Variants in DNAH11 observed in about 807,000 individuals in gnomAD.
DNAH11 encodes dynein axonemal heavy chain 11.
In DNAH11, 442 loss-of-function variants were observed where a neutral mutation model predicts 526.0. The ratio of observed to expected loss-of-function variants is 0.84; its 90% CI spans 0.78 to 0.91. The LOEUF is 0.91. DNAH11 is among the 40% of genes least tolerant of loss of function. The pLI is 0.00. For synonymous variants in DNAH11, 2,461 were observed against 1,935.9 expected (o/e 1.27, Z -7.12); for missense variants, 6,989 against 5,448.7 (o/e 1.28, Z -8.90).
At chr7:21,799,858 T>G (rs1367497469) in intron 61 of DNAH11, among the ~76,000 whole-genome samples, 3 of 152,236 alleles carry the variant, frequency 2.0e-5, no homozygotes, top group Non-Finnish European at 4.4e-5. Flanking sequence ...GTTTTCTTGT[T>G]AAAGTTTCTT....
rs542241746 is a variant in DNAH11 at position 21,893,710 on chromosome 7, AAT to A, written c.12751-908_12751-907del. Among the ~76,000 whole-genome samples the A allele has an allele frequency of 3.4e-3, 520 of 152,164 alleles. 2 individuals are homozygous for A. The highest frequency in any genetic ancestry group is 5.6e-3 in the Non-Finnish European group (379 of 67,978). ...GTACCATGTGCATACTCATACCTGTAATATATGTCTTTCATTCTTTCAGAGCA... is the reference window on the plus strand; with the variant it reads ...GTACCATGTGCATACTCATACCTGTAATATGTCTTTCATTCTTTCAGAGCA... On this transcript the variant is annotated intron_variant, in intron 77 of 81. Coordinates refer to ENST00000409508, the MANE Select transcript of DNAH11 (RefSeq NM_001277115.2).
chr7:21,729,933 C>T (rs1785302582), intron 45 of DNAH11, among the ~76,000 whole-genome samples: 3 of 152,138 alleles, frequency 2.0e-5, no homozygotes, highest in African/African-American at 4.8e-5. Flanking sequence ...GATGAGATAC[C>T]ACCTCACACC....
At chr7:21,628,877 A>G (rs1786469183) in intron 25 of DNAH11, among the ~76,000 whole-genome samples, 1 of 151,682 alleles carries the variant, frequency 6.6e-6, no homozygotes, top group Non-Finnish European at 1.5e-5. Context: ...GATCTTCTGT[A>G]TTTTTTCTTC....
chr7:21,581,774 T>C, intron 8 of DNAH11, 131 bp from the exon 9 acceptor site: 1 of 624,684 alleles, frequency 1.6e-6, no homozygotes, highest in Non-Finnish European at 2.8e-6. Flanking sequence ...AGAATGCTGC[T>C]ATGAAAAATA....
At chr7:21,864,768 T>G (rs1783209069) in intron 70 of DNAH11, 111 bp downstream of exon 70, 2 of 1,095,118 alleles carry the variant, frequency 1.8e-6, no homozygotes, top group South Asian at 2.4e-5. Flanking sequence ...AAGCACCATT[T>G]CAGTTGTAGA....
At chr7:21,893,972 T>G (rs1784416689) in intron 77 of DNAH11, among the ~76,000 whole-genome samples, 1 of 152,204 alleles carries the variant, frequency 6.6e-6, no homozygotes, top group Non-Finnish European at 1.5e-5. Context: ...CACTGCAACC[T>G]CTAACTCTCG....
intron 25 of DNAH11, among the ~76,000 whole-genome samples, chr7:21,632,284 C>T (rs1366185862): frequency 1.3e-5 from 2 of 152,208 alleles, no homozygotes; most frequent in African/African-American, 4.8e-5. Context: ...CCACAAAGGT[C>T]TCTGATGCCT....
intron 62 of DNAH11, among the ~76,000 whole-genome samples, chr7:21,802,961 A>G (rs1789061893): frequency 6.7e-6 from 1 of 150,114 alleles, no homozygotes; most frequent in Non-Finnish European, 1.5e-5. Context: ...ATATATATAT[A>G]ATGTAGTAAA....
At chr7:21,790,399 A>G (rs754151717) in intron 61 of DNAH11, among the ~76,000 whole-genome samples, 52 of 152,140 alleles carry the variant, frequency 3.4e-4, no homozygotes, top group Non-Finnish European at 6.2e-4. Context: ...GCAGTGAGCC[A>G]AGATCACACC....
intron 54 of DNAH11, among the ~76,000 whole-genome samples, chr7:21,752,585 T>A (rs957934858): frequency 6.6e-6 from 1 of 152,246 alleles, no homozygotes; most frequent in Non-Finnish European, 1.5e-5. Context: ...TCTGTAACTT[T>A]CCAATTTTTT....
chr7:21,833,842 C>T (rs371079366), intron 65 of DNAH11, among the ~76,000 whole-genome samples: 1 of 152,240 alleles, frequency 6.6e-6, no homozygotes, highest in African/African-American at 2.4e-5. Context: ...GCCCTAATGA[C>T]ATGAAACCCT....
chr7:21,763,197 C>T (rs1319480058), intron 54 of DNAH11, among the ~76,000 whole-genome samples: 2 of 151,712 alleles, frequency 1.3e-5, no homozygotes, highest in African/African-American at 4.8e-5. Context: ...CAAAAATTAG[C>T]CTGGCGTGGT....
In DNAH11 at chr7:21,867,884, G is replaced by A; in HGVS notation, c.11716G>A (p.Ala3906Thr). 1 of 1,577,978 alleles carries A rather than the reference G, an allele frequency of 6.3e-7. No individual in the cohort carries two copies. The highest frequency in any genetic ancestry group is 2.3e-5 in the East Asian group (1 of 43,484). Residue 3906 changes from alanine to threonine, a missense_variant, in exon 72 of 82, where the codon GCG becomes ACG. Ala to Thr is a moderately conservative substitution (Grantham distance 58). Coordinates refer to ENST00000409508, the MANE Select transcript of DNAH11 (RefSeq NM_001277115.2). ...AAATTTTGTAGAGGAAAAACTGGGT[G>A]CGAAGTATGTGGAGAGGACCAGATT... Reference protein sequence around the residue: ...LRNFVEEKLGAKYVERTRLDL... With the variant: ...LRNFVEEKLGTKYVERTRLDL...
rs768006940 is a variant in DNAH11, at chr7:21,735,770, T to C, written c.7571T>C (p.Leu2524Ser). The change falls in exon 46 of 82, where the codon TTG becomes TCG. Residue 2524 changes from leucine (L) to serine (S), a missense_variant. By Grantham distance (145) the Leu-to-Ser change is moderately radical. Transcript: ENST00000409508. ...AAAACAGTCTTTGTAGGTGACACATTGGCAAGTCTCTCTGAGGATTACATA... is the reference window on the plus strand; with the variant it reads ...AAAACAGTCTTTGTAGGTGACACATCGGCAAGTCTCTCTGAGGATTACATA... ...VGKTVFVGDT[L>S]ASLSEDYIVS... is the part of the protein sequence containing the mutation. The C allele has an allele frequency of 3.1e-6, 5 of 1,613,868 alleles. No homozygotes were observed. In the South Asian group the frequency reaches 5.5e-5, roughly 18 times the overall value.
At chr7:21,861,795 G>A (rs1562590091) in intron 68 of DNAH11, 58 bp from the exon 69 acceptor site, 3 of 1,595,362 alleles carry the variant, frequency 1.9e-6, no homozygotes, top group Non-Finnish European at 2.6e-6. Flanking sequence ...TGTATCGGGG[G>A]TAGCTAGACA....
intron 75 of DNAH11, among the ~76,000 whole-genome samples, chr7:21,882,274 G>A (rs147593011): frequency 6.6e-6 from 1 of 152,202 alleles, no homozygotes; most frequent in Non-Finnish European, 1.5e-5. Flanking sequence ...GAGTCACACT[G>A]TGTCCTGCTT....
At chr7:21,782,765 C>T (rs527565145) in intron 57 of DNAH11, among the ~76,000 whole-genome samples, 61 of 151,996 alleles carry the variant, frequency 4.0e-4, no homozygotes, top group Admixed American at 1.7e-3. Context: ...AAAAAATCAG[C>T]CGGGTGTAGT....
intron 65 of DNAH11, among the ~76,000 whole-genome samples, chr7:21,821,711 A>G (rs1172821566): frequency 6.6e-6 from 1 of 152,128 alleles, no homozygotes; most frequent in Non-Finnish European, 1.5e-5. Flanking sequence ...TGTTGAAAAC[A>G]TTACAGTTCT....
intron 8 of DNAH11, among the ~76,000 whole-genome samples, chr7:21,578,598 G>A (rs575013066): frequency 6.6e-6 from 1 of 152,300 alleles, no homozygotes; most frequent in South Asian, 2.1e-4. Flanking sequence ...AGCTCCACTA[G>A]GTAGTACCCC....
Sources: gnomAD v4.1 joint callset for allele counts (sites outside exome capture counted in the v4.1 genomes callset) on GRCh38, gnomAD v4.1.1 for gene constraint, MANE v1.5 for transcripts, NCBI Gene and HGNC (gene_info 2026-07-23, HGNC 2026-07-21) for gene names.